The following GRIK5 variants were observed in gnomAD, a reference collection of about 807,000 sequenced individuals.
GRIK5 encodes glutamate receptor ionotropic, kainate 5.
GRIK5 carries 43 observed loss-of-function variants against 97.4 expected under a neutral mutation model. The observed-to-expected ratio is 0.44, with a 90% confidence interval of 0.35 to 0.57. The LOEUF (loss-of-function observed/expected upper bound fraction) is 0.57. GRIK5 is among the 20% of genes least tolerant of loss of function. The pLI, the probability that GRIK5 is intolerant of heterozygous loss-of-function variation, is 0.01. For synonymous variants in GRIK5, 580 were observed against 583.5 expected (o/e 0.99, Z 0.09); for missense variants, 1,015 against 1,382.0 (o/e 0.73, Z 4.21).
intron 9 of GRIK5, 142 bp downstream of exon 9, chr19:42,054,178 C>G (rs1367119612): frequency 1.1e-6 from 1 of 872,990 alleles, no homozygotes; most frequent in Non-Finnish European, 1.8e-6. Context: ...AGATAGGCAG[C>G]AACAGCCAGG....
intron 12 of GRIK5, among the ~76,000 whole-genome samples, chr19:42,024,798 G>A (rs529885076): frequency 2.6e-5 from 4 of 152,232 alleles, no homozygotes; most frequent in African/African-American, 9.6e-5. Flanking sequence ...TGTCCACTCT[G>A]TAGAGCTGGA....
chr19:42,057,113 T>A, intron 6 of GRIK5, 135 bp from the exon 7 acceptor site: 3 of 710,598 alleles, frequency 4.2e-6, no homozygotes, highest in Non-Finnish European at 7.6e-6. Flanking sequence ...CACAGTAAAG[T>A]AATAAATGCT....
chr19:42,003,668 T>C lies in GRIK5; in HGVS notation c.2279A>G (p.Asp760Gly). 6.2e-7 allele frequency: 1 copy of C among 1,612,124 alleles called. No individual in the cohort carries two copies. Among genetic ancestry groups the C allele is most frequent in the Non-Finnish European group, 8.5e-7 (1 of 1,178,986 alleles). Reference sequence around the variant, plus strand: ...CTGCAGGATGGCCAGTGTGATCTCATCCCGGAACGGGGAGCCTGGGCAGGC... The same window carrying C: ...CTGCAGGATGGCCAGTGTGATCTCACCCCGGAACGGGGAGCCTGGGCAGGC... ...IGMPLGSPFR[D>G]EITLAILQLQ... The change falls in exon 18 of 20, where the codon GAT becomes GGT. Residue 760 changes from aspartate (D) to glycine (G), a missense_variant. Asp to Gly is a moderately conservative substitution (Grantham distance 94). This residue lies in a region of GRIK5 where 229 missense variants were observed against 341.0 expected (regional missense o/e 0.67). Coordinates refer to ENST00000593562, the MANE Select transcript of GRIK5 (RefSeq NM_002088.5). The surrounding 1 kb of genome is among the most constrained non-coding windows in gnomAD (Gnocchi z 4.2).
intron 11 of GRIK5, among the ~76,000 whole-genome samples, chr19:42,049,543 G>A (rs779166826): frequency 2.0e-5 from 3 of 152,200 alleles, no homozygotes; most frequent in Non-Finnish European, 4.4e-5. Context: ...ACAGTACGAT[G>A]CCATTTATAT....
At chr19:42,037,523 T>C (rs951665510) in intron 12 of GRIK5, among the ~76,000 whole-genome samples, 1 of 152,150 alleles carries the variant, frequency 6.6e-6, no homozygotes, top group Non-Finnish European at 1.5e-5. Flanking sequence ...TTAGCCCCTT[T>C]TCAAGAGGAG....
At chr19:42,035,647 T>A (rs1208982124) in intron 12 of GRIK5, among the ~76,000 whole-genome samples, 1 of 152,006 alleles carries the variant, frequency 6.6e-6, no homozygotes, top group Admixed American at 6.5e-5. Context: ...GAGGTGGAGG[T>A]TGCAGTGAGC....
chr19:42,030,622 A>AT (rs902452396), intron 12 of GRIK5, among the ~76,000 whole-genome samples: 222 of 144,738 alleles, frequency 1.5e-3, no homozygotes, highest in South Asian at 4.4e-3. Context: ...TGCCCAGCTA[A>AT]TTTTTTTTTT....
At position 42,065,646 on chromosome 19, in the gene GRIK5, G is replaced by T; in HGVS notation, c.79+46C>A. The T allele has an allele frequency of 6.8e-7, 1 of 1,461,070 alleles. No homozygotes were observed. Among genetic ancestry groups the T allele is most frequent in the Non-Finnish European group, 9.3e-7 (1 of 1,075,542 alleles). 90.5% of individuals were successfully genotyped at this position (1,461,070 alleles called of 1,614,324 possible). A position where few individuals can be genotyped will look rare whatever the true frequency, so the allele number is the denominator to read the frequency against. ...CTGGCATGCCTGGGTCCCCAGAGGAGCCCCAGGGCCTGAGGATGCAGGGGC... is the reference window on the plus strand; with the variant it reads ...CTGGCATGCCTGGGTCCCCAGAGGATCCCCAGGGCCTGAGGATGCAGGGGC... On this transcript the variant is annotated intron_variant, in intron 2 of 19. Transcript: ENST00000593562. The surrounding 1 kb of genome is among the most constrained non-coding windows in gnomAD (Gnocchi z 5.8).
At chr19:42,005,982 G>T (rs1555872578) in intron 16 of GRIK5, 34 bp from the exon 17 acceptor site, 1 of 1,091,800 alleles carries the variant, frequency 9.2e-7, no homozygotes, top group Admixed American at 2.0e-5. Context: ...AAGATGGGAG[G>T]GTCTTTCCAG....
chr19:42,013,697 A>C (rs925129295), intron 15 of GRIK5, among the ~76,000 whole-genome samples: 1 of 152,070 alleles, frequency 6.6e-6, no homozygotes, highest in Non-Finnish European at 1.5e-5. Flanking sequence ...GGCGTGAGCC[A>C]CCGCGCCCGG....
chr19:42,026,974 ACT>A (rs1190251688), intron 12 of GRIK5, among the ~76,000 whole-genome samples: 1 of 151,778 alleles, frequency 6.6e-6, no homozygotes, highest in Non-Finnish European at 1.5e-5. Context: ...CCCTTATGAG[ACT>A]CTGTCTTACA....
At chr19:42,040,660 C>T (rs1212535797) in intron 12 of GRIK5, among the ~76,000 whole-genome samples, 1 of 152,064 alleles carries the variant, frequency 6.6e-6, no homozygotes, top group South Asian at 2.1e-4. Flanking sequence ...AGTTCAAGAC[C>T]AGCCTGGCCA....
At chr19:42,004,974 C>A (rs2146014364) in intron 17 of GRIK5, among the ~76,000 whole-genome samples, 1 of 152,256 alleles carries the variant, frequency 6.6e-6, no homozygotes, top group Admixed American at 6.5e-5. Flanking sequence ...AAGCACCAAG[C>A]TACACTGCCT....
rs1260250279 is a variant in GRIK5 at position 42,022,109 on chromosome 19, C to T, written c.1588-53G>A. Reference sequence around the variant, plus strand: ...GACACCCCTGGCCTGAGCCTCACACCCAGCCCCTGCCCTACCAGGGACCTG... The same window carrying T: ...GACACCCCTGGCCTGAGCCTCACACTCAGCCCCTGCCCTACCAGGGACCTG... On this transcript the variant is annotated intron_variant, in intron 13 of 19. Transcript: ENST00000593562. This position sits in a 1 kb window ranked among gnomAD's most constrained non-coding sequence, Gnocchi z 4.2. 4 of 1,440,410 alleles carry T rather than the reference C, an allele frequency of 2.8e-6. No individual in the cohort carries two copies. Among genetic ancestry groups the T allele is most frequent in the Admixed American group, 1.8e-5 (1 of 54,586 alleles). 89.2% of individuals were successfully genotyped at this position (1,440,410 alleles called of 1,614,324 possible).
Position 42,004,523 on chromosome 19 carries a change from A to G in GRIK5, c.2264-840T>C, listed in dbSNP as rs144478639. Among the ~76,000 whole-genome samples, 208 of 152,340 alleles carry G rather than the reference A, an allele frequency of 1.4e-3. 1 individual carries two copies. The highest frequency in any genetic ancestry group is 4.8e-3 in the African/African-American group (199 of 41,580). The stretch of plus-strand genomic sequence containing the variant: ...ACCCTGGGTTTATTCAGGTCTTATG[A>G]TGATCCTGTGGGACAGGTATCCCAC... On this transcript the variant is annotated intron_variant, in intron 17 of 19. Coordinates refer to ENST00000593562, the MANE Select transcript of GRIK5 (RefSeq NM_002088.5).
chr19:42,007,104 T>A (rs1258164941), intron 15 of GRIK5, among the ~76,000 whole-genome samples: 1 of 152,020 alleles, frequency 6.6e-6, no homozygotes, highest in Admixed American at 6.6e-5. Context: ...TTTCTTTTTT[T>A]TTTTTTTTTG....
intron 12 of GRIK5, among the ~76,000 whole-genome samples, chr19:42,041,476 C>T (rs180721075): frequency 1.3e-5 from 2 of 152,306 alleles, no homozygotes; most frequent in Admixed American, 6.5e-5. Context: ...CCCCACGTCC[C>T]GTAACCCTCA....
intron 12 of GRIK5, among the ~76,000 whole-genome samples, chr19:42,024,672 A>G (rs1374228020): frequency 6.6e-6 from 1 of 152,200 alleles, no homozygotes; most frequent in East Asian, 1.9e-4. Context: ...GGTTTGACCG[A>G]GTACAGCCTC....
chr19:42,003,441 T>C lies in GRIK5; in HGVS notation c.2405A>G (p.Glu802Gly). ...CACGATAAAAATGCCACCAATGTTC[T>C]CCATGCCCAAACCTGGAGGGCGAAG... ...EDHRAKGLGM[E>G]NIGGIFIVLI... Residue 802 changes from glutamate to glycine, a missense_variant, in exon 19 of 20, where the codon GAG becomes GGG. Glu to Gly is a moderately conservative substitution (Grantham distance 98, BLOSUM62 -2). Transcript: ENST00000593562. The surrounding 1 kb of genome is among the most constrained non-coding windows in gnomAD (Gnocchi z 4.2). The C allele has an allele frequency of 6.2e-7, 1 of 1,613,648 alleles. No homozygotes were observed. Among genetic ancestry groups the C allele is most frequent in the Non-Finnish European group, 8.5e-7 (1 of 1,179,864 alleles).
Sources: gnomAD v4.1 joint callset for allele counts (sites outside exome capture counted in the v4.1 genomes callset) on GRCh38, gnomAD v4.1.1 for gene constraint, gnomAD v4.1.1 regional missense constraint, Gnocchi (gnomAD v3.1) non-coding constraint, MANE v1.5 for transcripts, NCBI Gene and HGNC (gene_info 2026-07-23, HGNC 2026-07-21) for gene names.